The following GCA variants were observed in gnomAD, a reference collection of about 807,000 sequenced individuals.
The protein encoded by GCA is grancalcin.
Under a neutral mutation model 32.6 loss-of-function variants are expected in GCA, and 30 were observed. That is an observed-to-expected ratio of 0.92 (90% CI 0.69 to 1.25). The LOEUF is 1.25. Among genes scored for constraint, GCA ranks in the 50% most tolerant of loss-of-function variants. The pLI, the probability that GCA is intolerant of heterozygous loss-of-function variation, is 0.00. For missense variants in GCA, 291 were observed against 266.8 expected, an observed-to-expected ratio of 1.09 and a Z score of -0.63; for synonymous variants, 102 against 84.6, an observed-to-expected ratio of 1.21 and a Z score of -1.13.
intron 6 of GCA, 104 bp downstream of exon 6, chr2:162,359,261 C>T (rs764157835): frequency 1.3e-5 from 9 of 712,700 alleles, no homozygotes; most frequent in Non-Finnish European, 2.0e-5. Flanking sequence ...TGTTTTCTCC[C>T]TTTATTCACT....
chr2:162,365,757 A>T (rs1338296175), downstream of GCA, among the ~76,000 whole-genome samples: 1 of 151,690 alleles, frequency 6.6e-6, no homozygotes, highest in Non-Finnish European at 1.5e-5. Flanking sequence ...AATTGAAATC[A>T]CTAGGTGGCT....
chr2:162,368,305 T>C (rs1685820282), intron 4 of GCA, among the ~76,000 whole-genome samples: 1 of 152,036 alleles, frequency 6.6e-6, no homozygotes, highest in Non-Finnish European at 1.5e-5. Context: ...ATAAAAATTT[T>C]GATTTTCATA....
At chr2:162,354,941 C>G (rs957541600) in intron 3 of GCA, among the ~76,000 whole-genome samples, 7 of 152,160 alleles carry the variant, frequency 4.6e-5, no homozygotes, top group Non-Finnish European at 8.8e-5. Flanking sequence ...CATTCCTATT[C>G]TGAGATTGAA....
intron 3 of GCA, among the ~76,000 whole-genome samples, chr2:162,354,005 A>G (rs1685132206): frequency 6.6e-6 from 1 of 151,512 alleles, no homozygotes; most frequent in African/African-American, 2.4e-5. Context: ...CTTCTGTTCT[A>G]TTTTCATGAA....
At chr2:162,355,546 T>C (rs1685222072) in intron 3 of GCA, among the ~76,000 whole-genome samples, 1 of 152,118 alleles carries the variant, frequency 6.6e-6, no homozygotes, top group Admixed American at 6.6e-5. Flanking sequence ...ATGTTTTCTT[T>C]ATCAGGGCAT....
At chr2:162,368,191 A>G (rs1685816604) in intron 4 of GCA, among the ~76,000 whole-genome samples, 1 of 151,944 alleles carries the variant, frequency 6.6e-6, no homozygotes. Flanking sequence ...CCACTCTTTG[A>G]GGACCACTGT....
In GCA at chr2:162,361,143, T is replaced by C. The variant is rs2105356558; in HGVS notation, c.*900T>C. The C allele has an allele frequency of 1.0e-6, 1 of 982,644 alleles. No individual in the cohort carries two copies. The highest frequency in any genetic ancestry group is 1.7e-5 in the African/African-American group (1 of 57,324). 60.9% of individuals were successfully genotyped at this position (982,644 alleles called of 1,614,324 possible). On this transcript the variant is annotated 3_prime_UTR_variant, in exon 8 of 8. Transcript: ENST00000437150. Reference sequence around the variant, plus strand: ...TCTAATTGTTCAGAAATTTTACATTTGACTTATTTGACAACATTAACATTA... The same window carrying C: ...TCTAATTGTTCAGAAATTTTACATTCGACTTATTTGACAACATTAACATTA...
rs1354330669 is a variant in GCA, at chr2:162,344,145, G to T, written c.-104G>T. 1 of 1,257,418 alleles carries T rather than the reference G, an allele frequency of 8.0e-7. No homozygotes were observed. The highest frequency in any genetic ancestry group is 1.2e-6 in the Non-Finnish European group (1 of 865,154). 77.9% of individuals were successfully genotyped at this position (1,257,418 alleles called of 1,614,324 possible). ...AACTGTGCGGTTAGTGCGCCTTTCA[G>T]CCTCACCTGCAGCTGCGCCTCCTTG... On this transcript the variant is annotated 5_prime_UTR_variant, in exon 1 of 8. Coordinates refer to ENST00000437150, the MANE Select transcript of GCA (RefSeq NM_012198.5).
chr2:162,353,829 T>C (rs1685119027), intron 3 of GCA, among the ~76,000 whole-genome samples: 1 of 152,146 alleles, frequency 6.6e-6, no homozygotes, highest in Admixed American at 6.5e-5. Context: ...TTCAATGATA[T>C]TTTCTGTTTC....
At chr2:162,345,149 T>TGTG (rs1684634228) in intron 1 of GCA, among the ~76,000 whole-genome samples, 1 of 136,806 alleles carries the variant, frequency 7.3e-6, no homozygotes, top group Admixed American at 7.3e-5. Context: ...TGGTTGTGGT[T>TGTG]GTTGTTGTTG....
intron 3 of GCA, among the ~76,000 whole-genome samples, chr2:162,353,422 T>C (rs1685101480): frequency 6.6e-6 from 1 of 152,098 alleles, no homozygotes; most frequent in Non-Finnish European, 1.5e-5. Context: ...GAGCTGAGAT[T>C]GGGCCACTGC....
At chr2:162,343,274 A>G (rs1576276053), upstream of GCA, among the ~76,000 whole-genome samples, 1 of 152,252 alleles carries the variant, frequency 6.6e-6, no homozygotes, top group African/African-American at 2.4e-5. Flanking sequence ...TTAAAGTCAG[A>G]GCTACAAAAT....
intron 1 of GCA, among the ~76,000 whole-genome samples, chr2:162,323,903 G>T (rs1472014897): frequency 6.6e-6 from 1 of 151,930 alleles, no homozygotes; most frequent in Admixed American, 6.6e-5. Flanking sequence ...CTCTTTTTTG[G>T]TTCCATATGA....
chr2:162,371,391 T>C, exon 5 of GCA: 6 of 1,288,332 alleles, frequency 4.7e-6, no homozygotes, highest in Non-Finnish European at 6.1e-6. Flanking sequence ...GTTCCCTTTA[T>C]CCCCCTGGAA....
chr2:162,342,092 T>C (rs1684472240), upstream of GCA, among the ~76,000 whole-genome samples: 1 of 152,226 alleles, frequency 6.6e-6, no homozygotes, highest in South Asian at 2.1e-4. Context: ...ACTTGACTCA[T>C]GGAGGCAAAT....
At chr2:162,336,370 T>A (rs1376090967) in intron 1 of GCA, among the ~76,000 whole-genome samples, 1 of 152,222 alleles carries the variant, frequency 6.6e-6, no homozygotes, top group Non-Finnish European at 1.5e-5. Flanking sequence ...TATTTGATCT[T>A]TGTTATCTAT....
chr2:162,322,958 T>A lies in GCA; in HGVS notation c.-31+3733T>A, dbSNP rs540646204. On this transcript the variant is annotated intron_variant, in intron 1 of 4. Transcript: ENST00000429691. The stretch of plus-strand genomic sequence containing the variant: ...TGGCTGGGTCAAATGGTATTTCTAG[T>A]TCTAGATCCCTGAGGAATCACCACA... Among the ~76,000 whole-genome samples, 22 of 152,028 alleles carry A rather than the reference T, an allele frequency of 1.4e-4. 1 individual carries two copies. The South Asian group carries it at 3.5e-3, about 24-fold the overall frequency.
chr2:162,326,075 G>T (rs1001650789), intron 1 of GCA, among the ~76,000 whole-genome samples: 1 of 152,166 alleles, frequency 6.6e-6, no homozygotes, highest in Admixed American at 6.5e-5. Context: ...TGGCTCCTCT[G>T]CTGGGTGTGC....
In GCA at chr2:162,328,791, A is replaced by T. The variant is rs559540449; in HGVS notation, c.-31+9566A>T. Among the ~76,000 whole-genome samples the T allele has an allele frequency of 2.2e-4, 33 of 152,254 alleles. No individual in the cohort carries two copies. The Middle Eastern group carries it at 0.02, about 94-fold the overall frequency. On this transcript the variant is annotated intron_variant, in intron 1 of 4. Transcript: ENST00000429691. ...GCGTTCTTGCCTTGGTGTACTGGAA[A>T]AATCGGAATCAATCACATCTGGGCT... is the stretch of plus-strand genomic sequence containing the variant.
Sources: allele counts gnomAD v4.1 joint callset (sites outside exome capture counted in the v4.1 genomes callset), GRCh38; gene constraint gnomAD v4.1.1; transcripts MANE v1.5; gene names NCBI Gene and HGNC (gene_info 2026-07-23, HGNC 2026-07-21).